UNC13C: variants seen among roughly 807,000 people sequenced by gnomAD.
The protein encoded by UNC13C is protein unc-13 homolog C.
In UNC13C, 174 loss-of-function variants were observed where a neutral mutation model predicts 245.4. The observed-to-expected ratio is 0.71, with a 90% CI of 0.63 to 0.80. UNC13C has a LOEUF of 0.80. UNC13C is among the 30% of genes least tolerant of loss of function. The pLI, the probability that UNC13C is intolerant of heterozygous loss-of-function variation, is 0.00. For synonymous variants in UNC13C, 992 were observed against 895.1 expected, an observed-to-expected ratio of 1.11 and a Z score of -1.93; for missense variants, 2,829 against 2,602.9, an observed-to-expected ratio of 1.09 and a Z score of -1.89.
At chr15:54,449,621 T>G (rs2141005147) in intron 19 of UNC13C, among the ~76,000 whole-genome samples, 1 of 152,346 alleles carries the variant, frequency 6.6e-6, no homozygotes, top group Admixed American at 6.5e-5. Context: ...GGTTTTCAGC[T>G]CCATCAGGTC....
chr15:54,583,681 A>G (rs762816236), intron 30 of UNC13C, among the ~76,000 whole-genome samples: 1 of 152,144 alleles, frequency 6.6e-6, no homozygotes, highest in African/African-American at 2.4e-5. Flanking sequence ...CTCAGCATCC[A>G]TTTTCAGGCC....
At chr15:54,631,645 A>C (rs1901459270), downstream of UNC13C, 1 of 152,208 alleles carries the variant, frequency 6.6e-6, no homozygotes, top group Non-Finnish European at 1.5e-5. Flanking sequence ...AGCACAATGC[A>C]CCAGAGATTC....
the UNC13C span, among the ~76,000 whole-genome samples, chr15:53,888,530 C>T: frequency 6.6e-6 from 1 of 152,120 alleles, no homozygotes; most frequent in Non-Finnish European, 1.5e-5. Flanking sequence ...GTTTCTTTTG[C>T]TGTGCAGAAG....
chr15:54,537,647 T>C (rs1455554467), intron 26 of UNC13C, among the ~76,000 whole-genome samples: 3 of 151,870 alleles, frequency 2.0e-5, no homozygotes, highest in Non-Finnish European at 1.5e-5. Flanking sequence ...CATAGACCAA[T>C]GAAACAGATT....
chr15:54,370,452 A>G (rs563881), intron 17 of UNC13C, among the ~76,000 whole-genome samples: 114,787 of 152,028 alleles, frequency 0.76, 43,621 homozygotes, highest in East Asian at 0.92. Flanking sequence ...GGGAAAACCA[A>G]GACTTGCAAT....
At chr15:54,386,107 C>T (rs1477253980) in intron 17 of UNC13C, among the ~76,000 whole-genome samples, 1 of 151,986 alleles carries the variant, frequency 6.6e-6, no homozygotes, top group Admixed American at 6.6e-5. Context: ...TGATGGTTGC[C>T]GTCTGTATAT....
intron 30 of UNC13C, among the ~76,000 whole-genome samples, chr15:54,571,731 G>A (rs1897764081): frequency 6.6e-6 from 1 of 152,216 alleles, no homozygotes; most frequent in Non-Finnish European, 1.5e-5. Context: ...CACAGGCACA[G>A]GCTCGGTCCT....
At chr15:54,043,656 T>C (rs1896906876) in intron 2 of UNC13C, among the ~76,000 whole-genome samples, 1 of 152,234 alleles carries the variant, frequency 6.6e-6, no homozygotes, top group Admixed American at 6.5e-5. Context: ...ACAATTTCTA[T>C]GCAATCTTGT....
intron 21 of UNC13C, 52 bp from the exon 22 acceptor site, chr15:54,500,783 C>T (rs1894171975): frequency 6.6e-7 from 1 of 1,523,418 alleles, no homozygotes; most frequent in Non-Finnish European, 8.9e-7. Context: ...AAGATTTTTC[C>T]ATTCCGCCTC....
chr15:53,971,513 G>A, the UNC13C span, among the ~76,000 whole-genome samples: 2 of 151,928 alleles, frequency 1.3e-5, no homozygotes, highest in East Asian at 1.9e-4. Flanking sequence ...TAACAGAATG[G>A]GAGAAAATAT....
At chr15:53,921,674 C>T in the UNC13C span, among the ~76,000 whole-genome samples, 1 of 152,122 alleles carries the variant, frequency 6.6e-6, no homozygotes, top group Non-Finnish European at 1.5e-5. Flanking sequence ...CTGCCCTTAC[C>T]CTCTGGCATG....
the UNC13C span, among the ~76,000 whole-genome samples, chr15:53,936,896 C>A: frequency 6.6e-6 from 1 of 152,118 alleles, no homozygotes; most frequent in African/African-American, 2.4e-5. Context: ...CCTCAAAGAC[C>A]AAAGGTGGAT....
intron 4 of UNC13C, among the ~76,000 whole-genome samples, chr15:54,203,933 T>TAC (rs979537171): frequency 2.2e-5 from 3 of 136,370 alleles, no homozygotes; most frequent in Non-Finnish European, 3.3e-5. Context: ...TGTGTATATA[T>TAC]ACACACACAC....
the UNC13C span, among the ~76,000 whole-genome samples, chr15:53,903,427 G>A: frequency 6.6e-6 from 1 of 152,190 alleles, no homozygotes; most frequent in African/African-American, 2.4e-5. Context: ...TTCTAATTAA[G>A]TTTCCTGAAT....
At chr15:54,526,620 T>C (rs1895473887) in intron 25 of UNC13C, among the ~76,000 whole-genome samples, 1 of 151,682 alleles carries the variant, frequency 6.6e-6, no homozygotes, top group Admixed American at 6.6e-5. Flanking sequence ...GACGGGCACC[T>C]GTAGTCCCAG....
the UNC13C span, among the ~76,000 whole-genome samples, chr15:53,929,691 T>C: frequency 6.6e-6 from 1 of 152,184 alleles, no homozygotes; most frequent in African/African-American, 2.4e-5. Flanking sequence ...GTACAGTGAA[T>C]TTGATTATAA....
chr15:53,927,100 C>G, the UNC13C span, among the ~76,000 whole-genome samples: 1 of 152,176 alleles, frequency 6.6e-6, no homozygotes, highest in Non-Finnish European at 1.5e-5. Context: ...TCATTTCATC[C>G]TCATAACCAC....
In UNC13C at chr15:54,623,792, T is replaced by A. The variant is rs762384478; in HGVS notation, c.6200-3T>A. 1.9e-6 allele frequency: 3 copies of A among 1,607,578 alleles called. No individual in the cohort carries two copies. In the African/African-American group the frequency reaches 4.0e-5, roughly 22 times the overall value. On this transcript the variant is annotated splice_polypyrimidine_tract_variant and splice_region_variant and intron_variant, in intron 31 of 32. Transcript: ENST00000260323. The stretch of plus-strand genomic sequence containing the variant: ...CTAAAATGTGATATTTCCTTTTTTT[T>A]AGTGATTGCTATTAATGACCTAAAC...
intron 2 of UNC13C, among the ~76,000 whole-genome samples, chr15:54,061,694 G>C (rs542585206): frequency 1.3e-5 from 2 of 152,302 alleles, no homozygotes; most frequent in African/African-American, 4.8e-5. Flanking sequence ...AGAGAAAGTA[G>C]AAGGAGGGCT....
Sources: allele counts gnomAD v4.1 joint callset (sites outside exome capture counted in the v4.1 genomes callset), GRCh38; gene constraint gnomAD v4.1.1; transcripts MANE v1.5; gene names NCBI Gene and HGNC (gene_info 2026-07-23, HGNC 2026-07-21).